GDA: variants seen among roughly 807,000 people sequenced by gnomAD.
GDA encodes the protein cytoplasmic PSD-95 interactor.
Under a neutral mutation model 59.6 loss-of-function variants are expected in GDA, and 18 were observed. The ratio of observed to expected loss-of-function variants is 0.30; its 90% CI spans 0.21 to 0.45. The LOEUF is 0.45. GDA is among the 20% of genes least tolerant of loss of function. The pLI is 1.00. For synonymous variants in GDA, 201 were observed against 201.1 expected, an observed-to-expected ratio of 1.00 and a Z score of 0.00; for missense variants, 427 against 552.3, an observed-to-expected ratio of 0.77 and a Z score of 2.27.
In GDA at chr9:72,200,876, C is replaced by T. The variant is rs1240327068; in HGVS notation, c.213-1695C>T. ...ATTCCATCACGTGGAACGTAGTGAC[C>T]GAGAGTACTGAACCTACAGACAAAC... On this transcript the variant is annotated intron_variant, in intron 2 of 13. Coordinates refer to ENST00000358399, the MANE Select transcript of GDA (RefSeq NM_004293.5). 2.6e-5 allele frequency among the ~76,000 whole-genome samples: 4 copies of T among 152,138 alleles called. No homozygotes were observed. The Middle Eastern group carries it at 0.01, about 388-fold the overall frequency.
intron 2 of GDA, among the ~76,000 whole-genome samples, chr9:72,197,740 G>A (rs1279567843): frequency 6.6e-6 from 1 of 152,170 alleles, no homozygotes; most frequent in Non-Finnish European, 1.5e-5. Flanking sequence ...TTAAAATGCA[G>A]AGATTCTTAT....
In GDA at chr9:72,198,715, T is replaced by C. The variant is rs1833525029; in HGVS notation, c.212+3127T>C. Among the ~76,000 whole-genome samples, 3 of 151,818 alleles carry C rather than the reference T, an allele frequency of 2.0e-5. No homozygotes were observed. In the South Asian group the frequency reaches 6.2e-4, roughly 32 times the overall value. The stretch of plus-strand genomic sequence containing the variant: ...CATTACTGGTAGGGCAGGCTGATGA[T>C]GGTGATGATGGTTTGGGTAATACAC... On this transcript the variant is annotated intron_variant, in intron 2 of 13. Transcript: ENST00000358399.
At chr9:72,122,548 C>T (rs1825698320) in intron 1 of GDA, among the ~76,000 whole-genome samples, 2 of 152,054 alleles carry the variant, frequency 1.3e-5, no homozygotes, top group Admixed American at 1.3e-4. Context: ...TAATGGAACA[C>T]ACTATGTACA....
intron 12 of GDA, among the ~76,000 whole-genome samples, chr9:72,246,126 G>A (rs1172995191): frequency 3.3e-5 from 5 of 152,138 alleles, no homozygotes; most frequent in Non-Finnish European, 1.5e-5. Context: ...AGATTTAACA[G>A]GAGAAAGGCA....
chr9:72,121,452 C>T (rs1019938940), intron 1 of GDA, among the ~76,000 whole-genome samples: 5 of 152,146 alleles, frequency 3.3e-5, no homozygotes, highest in Non-Finnish European at 7.3e-5. Flanking sequence ...CAAAAATTAG[C>T]TGGGCGTGGT....
At chr9:72,229,100 C>G (rs1310806094) in intron 9 of GDA, 17 of 143,968 alleles carry the variant, frequency 1.2e-4, no homozygotes, top group African/African-American at 4.5e-4. Flanking sequence ...CTTTGGGAGG[C>G]CAAGGTGGGC....
chr9:72,147,053 A>G (rs1168992824), upstream of GDA, among the ~76,000 whole-genome samples: 6 of 152,228 alleles, frequency 3.9e-5, no homozygotes, highest in Non-Finnish European at 5.9e-5. Context: ...ACATAGTAAC[A>G]ACATTAAAAA....
Position 72,248,438 on chromosome 9 carries a change from G to C in GDA, c.*96G>C. ...TTAGAAAGTCAAAAAATAGTACCTT[G>C]TTCTTGGGATGACTATCCCTTTCTG... On this transcript the variant is annotated 3_prime_UTR_variant, in exon 14 of 14. Transcript: ENST00000358399. 1 of 1,577,786 alleles carries C rather than the reference G, an allele frequency of 6.3e-7. No homozygotes were observed. The highest frequency in any genetic ancestry group is 8.6e-7 in the Non-Finnish European group (1 of 1,162,544).
At chr9:72,207,703 T>G (rs895378618) in intron 3 of GDA, among the ~76,000 whole-genome samples, 6 of 152,250 alleles carry the variant, frequency 3.9e-5, no homozygotes, top group Admixed American at 2.6e-4. Flanking sequence ...TGGCCAGATC[T>G]TTTTGTTTTA....
chr9:72,248,476 G>C lies in GDA; in HGVS notation c.*134G>C. ...CTATCCCTTTCTGTGTCTAGTTACA[G>C]TATTCACTTGACAAATAGTTCGAAG... On this transcript the variant is annotated 3_prime_UTR_variant, in exon 14 of 14. Coordinates refer to ENST00000358399, the MANE Select transcript of GDA (RefSeq NM_004293.5). 5 of 1,471,368 alleles carry C rather than the reference G, an allele frequency of 3.4e-6. No individual in the cohort carries two copies. In the Middle Eastern group the frequency reaches 5.6e-4, roughly 164 times the overall value. 91.1% of individuals were successfully genotyped at this position (1,471,368 alleles called of 1,614,324 possible).
chr9:72,195,097 T>C (rs1307286806), intron 1 of GDA, among the ~76,000 whole-genome samples: 2 of 152,234 alleles, frequency 1.3e-5, no homozygotes, highest in Admixed American at 6.5e-5. Context: ...GTACCATGAC[T>C]GCTCACCTGA....
chr9:72,249,303 C>T lies in GDA; in HGVS notation c.*961C>T. 1 of 984,940 alleles carries T rather than the reference C, an allele frequency of 1.0e-6. No individual in the cohort carries two copies. The highest frequency in any genetic ancestry group is 1.2e-6 in the Non-Finnish European group (1 of 829,544). The allele number at this position is 984,940 out of a possible 1,614,324, so 61.0% of individuals were successfully genotyped here. The stretch of plus-strand genomic sequence containing the variant: ...ATTGCCATGGCCTATTCCACCCAAA[C>T]AATATGTTGTAGTTTCTGGAAATTC... On this transcript the variant is annotated 3_prime_UTR_variant, in exon 14 of 14. Transcript: ENST00000358399.
chr9:72,134,785 T>C (rs536776076), intron 1 of GDA, among the ~76,000 whole-genome samples: 144 of 152,190 alleles, frequency 9.5e-4, no homozygotes, highest in Non-Finnish European at 1.1e-3. Flanking sequence ...TAAAAAAGAG[T>C]ACATAGAATT....
intron 1 of GDA, among the ~76,000 whole-genome samples, chr9:72,188,677 T>TG (rs1233108348): frequency 6.6e-6 from 1 of 152,102 alleles, no homozygotes; most frequent in African/African-American, 2.4e-5. Context: ...AATGTGGGGT[T>TG]GGGGTTAGTG....
chr9:72,213,798 G>A (rs536205453), intron 4 of GDA, 88 bp from the exon 5 acceptor site: 36 of 717,832 alleles, frequency 5.0e-5, no homozygotes, highest in African/African-American at 2.0e-4. Flanking sequence ...GCGGGACTCC[G>A]TCTCAAAAAA....
At chr9:72,206,494 C>T (rs937874676) in intron 3 of GDA, among the ~76,000 whole-genome samples, 7 of 151,926 alleles carry the variant, frequency 4.6e-5, no homozygotes, top group Admixed American at 1.3e-4. Flanking sequence ...CAATGAGGGC[C>T]GGGCACGGTG....
In GDA at chr9:72,114,774, A is replaced by C. The variant is rs1326991949; in HGVS notation, c.-159A>C. On this transcript the variant is annotated 5_prime_UTR_variant, in exon 1 of 14. Coordinates refer to the GDA transcript ENST00000545168. ...AGTTTGAAGAAGAGGGCAGCAGCCC[A>C]ACTCAGAAGAACTGGACTCCCCAGC... 2.0e-5 allele frequency: 3 copies of C among 152,320 alleles called. No individual in the cohort carries two copies. In the East Asian group the frequency reaches 5.8e-4, roughly 29 times the overall value. 9.4% of individuals were successfully genotyped at this position (152,320 alleles called of 1,614,324 possible). A position where few individuals can be genotyped will look rare whatever the true frequency, so the allele number is the denominator to read the frequency against.
intron 13 of GDA, 101 bp downstream of exon 13, chr9:72,247,534 C>A (rs760351209): frequency 4.4e-5 from 30 of 678,400 alleles, no homozygotes; most frequent in Admixed American, 4.2e-4. Context: ...ATATTAAACT[C>A]TGTGGATGAT....
At chr9:72,238,109 C>T (rs1238587337) in intron 10 of GDA, among the ~76,000 whole-genome samples, 1 of 152,156 alleles carries the variant, frequency 6.6e-6, no homozygotes, top group Non-Finnish European at 1.5e-5. Context: ...GTTTGACACC[C>T]ATCCACTGCC....
Sources: gnomAD v4.1 joint callset for allele counts (sites outside exome capture counted in the v4.1 genomes callset) on GRCh38, gnomAD v4.1.1 for gene constraint, MANE v1.5 for transcripts, NCBI Gene and HGNC (gene_info 2026-07-23, HGNC 2026-07-21) for gene names.